Variants in CASZ1 observed in about 807,000 individuals in gnomAD.
CASZ1 encodes the protein castor zinc finger 1.
CASZ1 carries 28 observed loss-of-function variants against 135.2 expected under a neutral mutation model. That is an observed-to-expected ratio of 0.21 (90% confidence interval 0.15 to 0.28). The LOEUF is 0.28. Ranked by LOEUF, CASZ1 falls within the 10% of genes least tolerant of loss-of-function variation. The probability of loss-of-function intolerance (pLI) is 1.00; values close to 1 mark genes in which losing one functional copy is unlikely to be tolerated. For missense variants in CASZ1, 2,161 were observed against 2,453.3 expected (o/e 0.88, Z 2.52); for synonymous variants, 1,068 against 1,073.4 (o/e 0.99, Z 0.10).
rs142686535 is a variant in CASZ1 at position 10,657,679 on chromosome 1, C to T, written c.1409+829G>A. Among the ~76,000 whole-genome samples the T allele has an allele frequency of 4.0e-3, 607 of 151,242 alleles. 6 individuals are homozygous for T. The highest frequency in any genetic ancestry group is 0.014 in the African/African-American group (582 of 41,204). ...ACAGAGACAGAGCAGGACAGGGGATCGGAGACAGAGTGGGACGTGGAGGCG... is the reference window on the plus strand; with the variant it reads ...ACAGAGACAGAGCAGGACAGGGGATTGGAGACAGAGTGGGACGTGGAGGCG... On this transcript the variant is annotated intron_variant, in intron 7 of 20. Transcript: ENST00000377022. The surrounding 1 kb of genome is among the most constrained non-coding windows in gnomAD (Gnocchi z 5.7).
chr1:10,669,892 G>C (rs1200653297), intron 4 of CASZ1, among the ~76,000 whole-genome samples: 1 of 152,170 alleles, frequency 6.6e-6, no homozygotes, highest in South Asian at 2.1e-4. Context: ...GGCTCTGCTT[G>C]GTGGCTCTGA....
intron 3 of CASZ1, among the ~76,000 whole-genome samples, chr1:10,704,003 G>A (rs1639117109): frequency 6.6e-6 from 1 of 152,192 alleles, no homozygotes; most frequent in East Asian, 1.9e-4. Flanking sequence ...CCTGCTGCCT[G>A]GGGACGGAGT....
At position 10,782,301 on chromosome 1, in the gene CASZ1, G is replaced by A. The variant is rs146311948; in HGVS notation, c.-234+14263C>T. Among the ~76,000 whole-genome samples, 241 of 152,350 alleles carry A rather than the reference G, an allele frequency of 1.6e-3. 10 individuals are homozygous for A. The East Asian group carries it at 0.042, about 27-fold the overall frequency. ...GTACTAGTAAGTATCTACTGACTAC[G>A]GTACTGGTGTGGACACTGTGGAATG... On this transcript the variant is annotated intron_variant, in intron 1 of 20. Coordinates refer to ENST00000377022, the MANE Select transcript of CASZ1 (RefSeq NM_001079843.3).
chr1:10,694,262 C>G lies in CASZ1; in HGVS notation c.-23-350G>C. On this transcript the variant is annotated intron_variant, in intron 3 of 20. Coordinates refer to ENST00000377022, the MANE Select transcript of CASZ1 (RefSeq NM_001079843.3). This position sits in a 1 kb window ranked among gnomAD's most constrained non-coding sequence, Gnocchi z 6.6. ...CCCGGGTCGCCGCCCGAGACCGCGGCCCCCGGGCCTCCCCCGCCCGCGCCC... is the reference window on the plus strand; with the variant it reads ...CCCGGGTCGCCGCCCGAGACCGCGGGCCCCGGGCCTCCCCCGCCCGCGCCC... 2 of 975,496 alleles carry G rather than the reference C, an allele frequency of 2.1e-6. No individual in the cohort carries two copies. Among genetic ancestry groups the G allele is most frequent in the Non-Finnish European group, 2.5e-6 (2 of 808,356 alleles). The allele number at this position is 975,496 out of a possible 1,614,324, so 60.4% of individuals were successfully genotyped here.
At position 10,654,067 on chromosome 1, in the gene CASZ1, C is replaced by T; in HGVS notation, c.1990G>A (p.Ala664Thr). 6.2e-7 allele frequency: 1 copy of T among 1,614,190 alleles called. No individual in the cohort carries two copies. Among genetic ancestry groups the T allele is most frequent in the Non-Finnish European group, 8.5e-7 (1 of 1,180,028 alleles). Reference protein sequence around the residue: ...CKYEGCVYSKATNHFHCIRAG... With the variant: ...CKYEGCVYSKTTNHFHCIRAG... ...CGGATGCAGTGGAAGTGGTTGGTAG[C>T]CTTGCTGTACACGCAGCCCTCGTAC... is the stretch of plus-strand genomic sequence containing the variant. Residue 664 changes from alanine (A) to threonine (T), a missense_variant, in exon 11 of 21, where the codon GCT becomes ACT. Transcript: ENST00000377022.
chr1:10,775,115 C>A (rs1259895410), intron 1 of CASZ1, among the ~76,000 whole-genome samples: 1 of 152,166 alleles, frequency 6.6e-6, no homozygotes. Flanking sequence ...ATACACACGG[C>A]AGACTCCGCC....
intron 2 of CASZ1, among the ~76,000 whole-genome samples, chr1:10,718,745 G>A (rs185412233): frequency 1.8e-4 from 27 of 152,350 alleles, no homozygotes; most frequent in East Asian, 1.2e-3. Flanking sequence ...GGCCCACAAC[G>A]TCTCCACTGG....
rs1641016809 is a variant in CASZ1 at position 10,794,147 on chromosome 1, G to C, written c.-234+2417C>G. ...TTAGGACGGCGACGTGTGTGTGTGC[G>C]CGTGTGTGTGCGTGTTTGTATGTGT... is the stretch of plus-strand genomic sequence containing the variant. On this transcript the variant is annotated intron_variant, in intron 1 of 20. Transcript: ENST00000377022. This position sits in a 1 kb window ranked among gnomAD's most constrained non-coding sequence, Gnocchi z 5.6. Among the ~76,000 whole-genome samples the C allele has an allele frequency of 6.6e-6, 1 of 150,988 alleles. No individual in the cohort carries two copies. The highest frequency in any genetic ancestry group is 2.4e-5 in the African/African-American group (1 of 41,022).
rs572824153 is a variant in CASZ1, at chr1:10,700,080, G to GACAC, written c.-24+5408_-24+5411dup. 0.026 allele frequency among the ~76,000 whole-genome samples: 3,493 copies of GACAC among 134,056 alleles called. 60 individuals are homozygous for GACAC. Among genetic ancestry groups the GACAC allele is most frequent in the East Asian group, 0.053 (235 of 4,456 alleles). 87.9% of individuals were successfully genotyped at this position (134,056 alleles called of 152,430 possible). A position where few individuals can be genotyped will look rare whatever the true frequency, so the allele number is the denominator to read the frequency against. ...AGACAGAGAGAGAAAGAGAGATAGAGACACACACACACACACACACACACA... is the reference window on the plus strand; with the variant it reads ...AGACAGAGAGAGAAAGAGAGATAGAGACACACACACACACACACACACACACACA... On this transcript the variant is annotated intron_variant, in intron 3 of 20. Coordinates refer to ENST00000377022, the MANE Select transcript of CASZ1 (RefSeq NM_001079843.3). The surrounding 1 kb of genome is among the most constrained non-coding windows in gnomAD (Gnocchi z 4.2).
intron 1 of CASZ1, among the ~76,000 whole-genome samples, chr1:10,786,707 C>G (rs146300793): frequency 2.7e-4 from 41 of 151,812 alleles, no homozygotes; most frequent in African/African-American, 9.7e-4. Flanking sequence ...TGATCCCCAG[C>G]TAACTCGCTC....
In CASZ1 at chr1:10,649,363, C is replaced by T. The variant is rs1005006412; in HGVS notation, c.2955G>A (p.Glu985=). The change falls in exon 14 of 21, where the codon GAG becomes GAA. Residue 985 remains glutamate (E), a synonymous_variant. Coordinates refer to ENST00000377022, the MANE Select transcript of CASZ1 (RefSeq NM_001079843.3). ...CGGCCTTGCCTAGGAAGGGCGAGGG[C>T]TCCGCAGCGGGGCTCCCCTCCGCTT... is the stretch of plus-strand genomic sequence containing the variant. ...KAEAEGSPAA[E]PSPFLGKAVK... 3 of 1,604,644 alleles carry T rather than the reference C, an allele frequency of 1.9e-6. No individual in the cohort carries two copies. The African/African-American group carries it at 4.0e-5, about 21-fold the overall frequency.
chr1:10,754,396 A>G (rs1297410965), intron 2 of CASZ1, among the ~76,000 whole-genome samples: 1 of 152,148 alleles, frequency 6.6e-6, no homozygotes, highest in East Asian at 1.9e-4. Context: ...GTGTCGCTGA[A>G]TGGAAATGGA....
intron 4 of CASZ1, among the ~76,000 whole-genome samples, chr1:10,669,697 G>A (rs1643345206): frequency 6.6e-6 from 1 of 152,058 alleles, no homozygotes; most frequent in South Asian, 2.1e-4. Context: ...GGTTCAAGGG[G>A]AGGAGAGGCT....
rs572824153 is a variant in CASZ1, at chr1:10,700,080, GACACACACAC to G, written c.-24+5402_-24+5411del. Among the ~76,000 whole-genome samples, 7 of 134,014 alleles carry G rather than the reference GACACACACAC, an allele frequency of 5.2e-5. No homozygotes were observed. The highest frequency in any genetic ancestry group is 1.1e-4 in the Non-Finnish European group (7 of 62,398). 87.9% of individuals were successfully genotyped at this position (134,014 alleles called of 152,430 possible). ...AGACAGAGAGAGAAAGAGAGATAGA[GACACACACAC>G]ACACACACACACACACACACACACA... On this transcript the variant is annotated intron_variant, in intron 3 of 20. Transcript: ENST00000377022. The surrounding 1 kb of genome is among the most constrained non-coding windows in gnomAD (Gnocchi z 4.2).
rs780447912 is a variant in CASZ1, at chr1:10,659,814, G to C, written c.1228C>G (p.Pro410Ala). The change falls in exon 6 of 21, where the codon CCC becomes GCC. Residue 410 changes from proline (P) to alanine (A), a missense_variant. Pro to Ala is a conservative substitution (Grantham distance 27). Transcript: ENST00000377022. Reference sequence around the variant, plus strand: ...GCAGGAGGCTCTGGCCCTGGCCCGGGGGCGCTGGGGGCACTGGGCACGCTG... The same window carrying C: ...GCAGGAGGCTCTGGCCCTGGCCCGGCGGCGCTGGGGGCACTGGGCACGCTG... Reference protein sequence around the residue: ...LASVPSAPSAPGPGPEPPASL... With the variant: ...LASVPSAPSAAGPGPEPPASL... 1.2e-6 allele frequency: 2 copies of C among 1,613,372 alleles called. No individual in the cohort carries two copies. Among genetic ancestry groups the C allele is most frequent in the African/African-American group, 2.7e-5 (2 of 74,900 alleles).
At position 10,726,257 on chromosome 1, in the gene CASZ1, A is replaced by G. The variant is rs284254; in HGVS notation, c.-76-20713T>C. On this transcript the variant is annotated intron_variant, in intron 2 of 20. Transcript: ENST00000377022. This position sits in a 1 kb window ranked among gnomAD's most constrained non-coding sequence, Gnocchi z 5.7. ...CAGCAACAGAAACCCTGTAGGAGACACCACTGTTCATGCCCTCATTTACGG... is the reference window on the plus strand; with the variant it reads ...CAGCAACAGAAACCCTGTAGGAGACGCCACTGTTCATGCCCTCATTTACGG... Among the ~76,000 whole-genome samples the G allele has an allele frequency of 0.23, 35,699 of 152,112 alleles. 6,935 individuals are homozygous for G. The highest frequency in any genetic ancestry group is 0.53 in the African/African-American group (21,769 of 41,460).
intron 4 of CASZ1, among the ~76,000 whole-genome samples, chr1:10,693,226 A>G (rs1457147698): frequency 6.6e-6 from 1 of 152,126 alleles, no homozygotes; most frequent in Non-Finnish European, 1.5e-5. Flanking sequence ...GGTGGGAGAC[A>G]GTCCGGGGCC....
rs780634747 is a variant in CASZ1 at position 10,654,270 on chromosome 1, G to A, written c.1839-52C>T. 18 of 1,583,600 alleles carry A rather than the reference G, an allele frequency of 1.1e-5. No individual in the cohort carries two copies. The Middle Eastern group carries it at 5.0e-4, about 44-fold the overall frequency. ...TGAGACCCAGAGGAGGCCCCACCCT[G>A]CTACACCATGGCCCTGGGAGGGACA... On this transcript the variant is annotated intron_variant, in intron 10 of 20. Transcript: ENST00000377022.
At chr1:10,658,483 G>A (rs368271245) in intron 7 of CASZ1, 25 bp downstream of exon 7, 47 of 1,600,840 alleles carry the variant, frequency 2.9e-5, no homozygotes, top group Middle Eastern at 1.7e-4. Flanking sequence ...TTCTCTCCAC[G>A]GCAGGCTCCT....
Sources: allele counts gnomAD v4.1 joint callset (sites outside exome capture counted in the v4.1 genomes callset), GRCh38; gene constraint gnomAD v4.1.1; non-coding constraint Gnocchi (gnomAD v3.1); transcripts MANE v1.5; gene names NCBI Gene and HGNC (gene_info 2026-07-23, HGNC 2026-07-21).